NLGN1: variants seen among roughly 807,000 people sequenced by gnomAD.
NLGN1 encodes the protein neuroligin 1.
NLGN1 carries 12 observed loss-of-function variants against 65.5 expected under a neutral mutation model. That is an observed-to-expected ratio of 0.18 (90% CI 0.12 to 0.30). The LOEUF is 0.30. NLGN1 is among the 10% of genes least tolerant of loss of function. The probability of loss-of-function intolerance (pLI) is 1.00; values close to 1 mark genes in which losing one functional copy is unlikely to be tolerated. For synonymous variants in NLGN1, 350 were observed against 359.5 expected (o/e 0.97, Z 0.30); for missense variants, 750 against 1,007.1 (o/e 0.74, Z 3.46).
chr3:173,454,546 A>G (rs952574569), intron 2 of NLGN1, among the ~76,000 whole-genome samples: 2 of 152,040 alleles, frequency 1.3e-5, no homozygotes, highest in African/African-American at 4.8e-5. Flanking sequence ...CTATGTCAGC[A>G]CTTTCTACAT....
At chr3:174,032,451 CTTG>C (rs889963610) in intron 4 of NLGN1, among the ~76,000 whole-genome samples, 1 of 152,172 alleles carries the variant, frequency 6.6e-6, no homozygotes, top group Non-Finnish European at 1.5e-5. Flanking sequence ...GGTGTACAAG[CTTG>C]TTGTACAAAA....
chr3:173,722,241 CT>C (rs58327862), intron 3 of NLGN1, among the ~76,000 whole-genome samples: 46,491 of 99,696 alleles, frequency 0.47, 10,252 homozygotes, highest in East Asian at 0.69. Context: ...TCTTCTTCTT[CT>C]TTTTTTTTTT....
intron 4 of NLGN1, among the ~76,000 whole-genome samples, chr3:174,151,274 A>T (rs2152704316): frequency 6.8e-6 from 1 of 148,048 alleles, no homozygotes; most frequent in East Asian, 1.9e-4. Flanking sequence ...AGTACCTTAT[A>T]AAAAAGATGT....
intron 3 of NLGN1, among the ~76,000 whole-genome samples, chr3:173,686,337 C>A (rs1443399448): frequency 6.6e-6 from 1 of 150,732 alleles, no homozygotes; most frequent in Non-Finnish European, 1.5e-5. Context: ...GTAAAAATTT[C>A]TTTTACTTCC....
At chr3:173,655,932 T>G (rs1242775475) in intron 3 of NLGN1, among the ~76,000 whole-genome samples, 1 of 152,032 alleles carries the variant, frequency 6.6e-6, no homozygotes, top group Non-Finnish European at 1.5e-5. Context: ...AAGCAGAGAT[T>G]CATTGAAAAT....
At chr3:173,969,982 T>A (rs1187553601) in intron 4 of NLGN1, among the ~76,000 whole-genome samples, 1 of 152,108 alleles carries the variant, frequency 6.6e-6, no homozygotes, top group Non-Finnish European at 1.5e-5. Flanking sequence ...AACTGTAATA[T>A]TTTTAAGTGA....
Position 173,612,836 on chromosome 3 carries a change from T to C in NLGN1, c.493+7745T>C, listed in dbSNP as rs553541562. Reference sequence around the variant, plus strand: ...GCACATGGGCATGGTTGGTTCTTTCTGAGGGCTGCGAAGAAGAATCAGTTC... The same window carrying C: ...GCACATGGGCATGGTTGGTTCTTTCCGAGGGCTGCGAAGAAGAATCAGTTC... On this transcript the variant is annotated intron_variant, in intron 3 of 6. Transcript: ENST00000457714. 2.0e-5 allele frequency among the ~76,000 whole-genome samples: 3 copies of C among 152,240 alleles called. No individual in the cohort carries two copies. The East Asian group carries it at 5.8e-4, about 29-fold the overall frequency.
intron 4 of NLGN1, among the ~76,000 whole-genome samples, chr3:174,189,706 C>T (rs765138911): frequency 1.0e-4 from 15 of 142,924 alleles, no homozygotes; most frequent in Non-Finnish European, 2.0e-4. Flanking sequence ...TATCTAGTAT[C>T]CATAAGTAGT....
At chr3:173,775,957 T>C (rs914100864) in intron 3 of NLGN1, among the ~76,000 whole-genome samples, 14 of 152,122 alleles carry the variant, frequency 9.2e-5, no homozygotes, top group Admixed American at 7.2e-4. Flanking sequence ...GACTTTTGTC[T>C]ATTCCAGATT....
At chr3:173,454,491 A>G (rs1338940059) in intron 2 of NLGN1, among the ~76,000 whole-genome samples, 1 of 152,244 alleles carries the variant, frequency 6.6e-6, no homozygotes, top group African/African-American at 2.4e-5. Context: ...AGCCACCTTC[A>G]TCAGTGATCT....
intron 4 of NLGN1, among the ~76,000 whole-genome samples, chr3:173,905,050 C>T (rs921916538): frequency 9.2e-5 from 14 of 152,210 alleles, no homozygotes; most frequent in Admixed American, 6.5e-4. Context: ...TTTAAACCTC[C>T]GTGGCTCCTC....
intron 2 of NLGN1, among the ~76,000 whole-genome samples, chr3:173,476,435 ACTG>A (rs1482176106): frequency 6.6e-6 from 1 of 152,186 alleles, no homozygotes; most frequent in African/African-American, 2.4e-5. Flanking sequence ...CTATTTTAAA[ACTG>A]CTCCAAAAAA....
chr3:173,755,128 G>T (rs1312462286), intron 3 of NLGN1, among the ~76,000 whole-genome samples: 1 of 151,956 alleles, frequency 6.6e-6, no homozygotes, highest in Non-Finnish European at 1.5e-5. Flanking sequence ...AAAATTTTGG[G>T]TACTGTTTGG....
exon 4 of NLGN1, chr3:173,807,730 G>T (rs1217499056): frequency 6.2e-7 from 1 of 1,613,720 alleles, no homozygotes. Flanking sequence ...TATCCATGGT[G>T]GCTCATATAT....
chr3:173,884,744 C>A (rs1734010535), intron 4 of NLGN1, among the ~76,000 whole-genome samples: 1 of 151,796 alleles, frequency 6.6e-6, no homozygotes, highest in South Asian at 2.1e-4. Flanking sequence ...ATTTATACTG[C>A]TATAAAAAAA....
intron 3 of NLGN1, among the ~76,000 whole-genome samples, chr3:173,687,426 A>G (rs1577953543): frequency 6.6e-6 from 1 of 152,228 alleles, no homozygotes; most frequent in African/African-American, 2.4e-5. Context: ...TAGAATCACT[A>G]AATAGCTAAA....
intron 3 of NLGN1, chr3:173,800,372 C>G: frequency 9.2e-7 from 1 of 1,084,292 alleles, no homozygotes; most frequent in Non-Finnish European, 1.2e-6. Context: ...TTCACCAAAT[C>G]TATTTGCATG....
intron 4 of NLGN1, among the ~76,000 whole-genome samples, chr3:174,099,820 G>A (rs1711983523): frequency 6.6e-6 from 1 of 152,164 alleles, no homozygotes. Flanking sequence ...ATCTCAAAGA[G>A]AGATAAACTG....
chr3:173,409,925 G>C (rs1056631158), intron 1 of NLGN1, among the ~76,000 whole-genome samples: 3 of 152,190 alleles, frequency 2.0e-5, no homozygotes, highest in African/African-American at 4.8e-5. Flanking sequence ...GGACCTGTAG[G>C]GGGGCCAAGA....
Sources: allele counts gnomAD v4.1 joint callset (sites outside exome capture counted in the v4.1 genomes callset), GRCh38; gene constraint gnomAD v4.1.1; transcripts MANE v1.5; gene names NCBI Gene and HGNC (gene_info 2026-07-23, HGNC 2026-07-21).